Variants in TNRC6B observed in about 807,000 individuals in gnomAD.
TNRC6B encodes trinucleotide repeat-containing gene 6B protein.
A neutral mutation model predicts 203.6 loss-of-function variants in TNRC6B; 52 were observed. The observed-to-expected ratio is 0.26, with a 90% CI of 0.20 to 0.32. TNRC6B has a LOEUF of 0.32. Ranked by LOEUF, TNRC6B falls within the 10% of genes least tolerant of loss-of-function variation. The pLI is 1.00. For missense variants in TNRC6B, 1,923 were observed against 2,286.2 expected (o/e 0.84, Z 3.24); for synonymous variants, 838 against 845.7 (o/e 0.99, Z 0.16).
chr22:40,062,191 T>A (rs1035000400), intron 1 of TNRC6B, among the ~76,000 whole-genome samples: 2 of 152,238 alleles, frequency 1.3e-5, no homozygotes, highest in African/African-American at 2.4e-5. Context: ...TGTTATTTTT[T>A]AAATTTTACT....
chr22:40,163,533 C>T (rs2068890909), intron 4 of TNRC6B, among the ~76,000 whole-genome samples: 1 of 137,692 alleles, frequency 7.3e-6, no homozygotes, highest in Middle Eastern at 4.0e-3. Context: ...GAGGCCGAGG[C>T]GGGCAGATCA....
intron 12 of TNRC6B, among the ~76,000 whole-genome samples, chr22:40,290,123 G>A (rs2070850009): frequency 6.6e-6 from 1 of 152,212 alleles, no homozygotes; most frequent in South Asian, 2.1e-4. Context: ...CCTGTCTCAC[G>A]TCTGAGTCAG....
chr22:40,075,881 C>T (rs538485691), intron 1 of TNRC6B, among the ~76,000 whole-genome samples: 1 of 152,294 alleles, frequency 6.6e-6, no homozygotes, highest in East Asian at 1.9e-4. Flanking sequence ...TCAAAAAGTG[C>T]ACTTTCATTT....
intron 1 of TNRC6B, among the ~76,000 whole-genome samples, chr22:40,215,793 G>A (rs1280913203): frequency 2.6e-5 from 4 of 152,336 alleles, no homozygotes; most frequent in Admixed American, 2.6e-4. Context: ...TTAAGATGAT[G>A]AGTGTGATTT....
At chr22:40,205,946 A>G (rs1355500977) in intron 1 of TNRC6B, among the ~76,000 whole-genome samples, 2 of 152,166 alleles carry the variant, frequency 1.3e-5, no homozygotes, top group African/African-American at 2.4e-5. Context: ...GATCCACGCA[A>G]TAGTACTTAA....
intron 1 of TNRC6B, among the ~76,000 whole-genome samples, chr22:40,085,401 A>G (rs2068092362): frequency 6.6e-6 from 1 of 152,200 alleles, no homozygotes. Context: ...TTAGGATCCA[A>G]AAAAAGGGAC....
intron 12 of TNRC6B, among the ~76,000 whole-genome samples, chr22:40,291,382 T>TA (rs879727206): frequency 1.1e-3 from 169 of 147,818 alleles, no homozygotes; most frequent in Middle Eastern, 0.01. Context: ...TATCCTGTCT[T>TA]AAAAAAAAAA....
intron 1 of TNRC6B, among the ~76,000 whole-genome samples, chr22:40,063,794 T>A (rs1190237223): frequency 6.6e-6 from 1 of 152,100 alleles, no homozygotes; most frequent in African/African-American, 2.4e-5. Context: ...CCTTGACCTC[T>A]TGGGCTCAAG....
intron 1 of TNRC6B, among the ~76,000 whole-genome samples, chr22:40,070,644 A>C (rs2067938738): frequency 1.3e-5 from 2 of 152,208 alleles, no homozygotes; most frequent in Non-Finnish European, 2.9e-5. Flanking sequence ...GTTCAAATTA[A>C]TTTACAGGTA....
intron 1 of TNRC6B, among the ~76,000 whole-genome samples, chr22:40,202,972 G>A (rs1029401006): frequency 1.3e-5 from 2 of 152,092 alleles, no homozygotes; most frequent in Admixed American, 6.5e-5. Flanking sequence ...TGAATTTAGT[G>A]AGGAGGACTT....
intron 1 of TNRC6B, among the ~76,000 whole-genome samples, chr22:40,098,895 T>C (rs1402024106): frequency 6.6e-6 from 1 of 152,068 alleles, no homozygotes; most frequent in Non-Finnish European, 1.5e-5. Context: ...ACCCAGCTCT[T>C]TTTGTTTTTA....
intron 1 of TNRC6B, among the ~76,000 whole-genome samples, chr22:40,218,016 C>G (rs1226711967): frequency 1.3e-5 from 2 of 151,246 alleles, no homozygotes; most frequent in Non-Finnish European, 2.9e-5. Flanking sequence ...CAGAACCCTC[C>G]AAGGTAACTG....
intron 1 of TNRC6B, among the ~76,000 whole-genome samples, chr22:40,090,252 A>G (rs1307105307): frequency 6.6e-6 from 1 of 152,232 alleles, no homozygotes; most frequent in Non-Finnish European, 1.5e-5. Context: ...GTGAGAAACT[A>G]CCAAACTTGT....
At chr22:40,243,560 C>G (rs1254512697) in intron 1 of TNRC6B, among the ~76,000 whole-genome samples, 1 of 152,082 alleles carries the variant, frequency 6.6e-6, no homozygotes, top group East Asian at 1.9e-4. Context: ...TTAAAACTTA[C>G]CCCTTTTTTT....
chr22:40,263,329 C>G (rs183371441), intron 4 of TNRC6B, among the ~76,000 whole-genome samples: 3 of 152,262 alleles, frequency 2.0e-5, no homozygotes, highest in Admixed American at 6.5e-5. Context: ...TGGAAAGAAA[C>G]CTCGTGGTGA....
intron 4 of TNRC6B, among the ~76,000 whole-genome samples, chr22:40,170,675 A>T (rs2068975023): frequency 7.3e-6 from 1 of 137,596 alleles, no homozygotes; most frequent in Non-Finnish European, 1.5e-5. Flanking sequence ...ACATTTGAAA[A>T]CAATTCTCAC....
Position 40,222,728 on chromosome 22 carries a change from C to CTTTTTTTTTTTTTTTT in TNRC6B, c.6-23269_6-23254dup, listed in dbSNP as rs61374373. Among the ~76,000 whole-genome samples, 99 of 40,214 alleles carry CTTTTTTTTTTTTTTTT rather than the reference C, an allele frequency of 2.5e-3. 15 individuals are homozygous for CTTTTTTTTTTTTTTTT. Among genetic ancestry groups the CTTTTTTTTTTTTTTTT allele is most frequent in the Non-Finnish European group, 3.2e-3 (80 of 25,160 alleles). The allele number at this position is 40,214 out of a possible 152,430, so 26.4% of individuals were successfully genotyped here. On this transcript the variant is annotated intron_variant, in intron 1 of 22. Coordinates refer to ENST00000454349, the MANE Select transcript of TNRC6B (RefSeq NM_001162501.2). ...ATCTTGCTGTATTCTCTCTCTCTCT[C>CTTTTTTTTTTTTTTTT]TTTTTTTTTTTTTTTTTTTTTTTTT...
intron 1 of TNRC6B, among the ~76,000 whole-genome samples, chr22:40,059,653 A>G (rs547548380): frequency 1.3e-4 from 20 of 152,252 alleles, no homozygotes; most frequent in South Asian, 6.2e-4. Context: ...AGAGTTTTTA[A>G]TCAGGAATGG....
At chr22:40,218,022 A>G (rs370078973) in intron 1 of TNRC6B, among the ~76,000 whole-genome samples, 4 of 151,726 alleles carry the variant, frequency 2.6e-5, no homozygotes, top group East Asian at 1.9e-4. Flanking sequence ...CCTCCAAGGT[A>G]ACTGCTTTAA....
Sources: allele counts gnomAD v4.1 joint callset (sites outside exome capture counted in the v4.1 genomes callset), GRCh38; gene constraint gnomAD v4.1.1; transcripts MANE v1.5; gene names NCBI Gene and HGNC (gene_info 2026-07-23, HGNC 2026-07-21).